Variants in C2orf92 observed in about 807,000 individuals in gnomAD.
C2orf92 encodes uncharacterized protein C2orf92.
upstream of C2orf92, among the ~76,000 whole-genome samples, chr2:97,665,548 A>T (rs1675177598): frequency 6.6e-6 from 1 of 151,408 alleles, no homozygotes; most frequent in Non-Finnish European, 1.5e-5. Context: ...TTTATATTAA[A>T]CTCTTCTTAT....
At chr2:97,687,873 C>T (rs181643406) in intron 3 of C2orf92, among the ~76,000 whole-genome samples, 2 of 150,386 alleles carry the variant, frequency 1.3e-5, no homozygotes, top group Non-Finnish European at 2.9e-5. Context: ...GCAGGTAGCA[C>T]TTGCAGTCCC....
intron 3 of C2orf92, among the ~76,000 whole-genome samples, chr2:97,680,578 T>C (rs1675735009): frequency 6.6e-6 from 1 of 152,210 alleles, no homozygotes; most frequent in Admixed American, 6.5e-5. Flanking sequence ...ACATGGTTTA[T>C]GAGAGACAAG....
At chr2:97,680,530 G>A (rs1675732640) in intron 3 of C2orf92, among the ~76,000 whole-genome samples, 1 of 152,192 alleles carries the variant, frequency 6.6e-6, no homozygotes, top group Non-Finnish European at 1.5e-5. Context: ...GAGAGCTGAG[G>A]TGGCTGTATT....
intron 5 of C2orf92, among the ~76,000 whole-genome samples, chr2:97,694,966 A>T (rs535649183): frequency 9.3e-4 from 141 of 152,294 alleles, no homozygotes; most frequent in Admixed American, 1.6e-3. Context: ...AAAAATATCT[A>T]TTCAAGTTCT....
chr2:97,670,906 A>G (rs1350218802), intron 1 of C2orf92: 6 of 152,100 alleles, frequency 3.9e-5, no homozygotes, highest in East Asian at 1.9e-4. Context: ...GGTTTTTAGT[A>G]TACTCATAGA....
upstream of C2orf92, chr2:97,667,016 T>G (rs1044273799): frequency 2.0e-5 from 3 of 152,196 alleles, no homozygotes; most frequent in African/African-American, 7.2e-5. Flanking sequence ...AACATATTAG[T>G]ATTGCCTGTT....
At chr2:97,698,792 A>T (rs948554248) in intron 5 of C2orf92, among the ~76,000 whole-genome samples, 4 of 152,306 alleles carry the variant, frequency 2.6e-5, no homozygotes, top group African/African-American at 9.6e-5. Context: ...GCTCGAGTGT[A>T]AGAAATGCTG....
chr2:97,688,874 C>T, intron 3 of C2orf92, 21 bp from the exon 4 acceptor site: 2 of 398,562 alleles, frequency 5.0e-6, no homozygotes. Context: ...TATTAACATG[C>T]CTTTGTTTGC....
intron 3 of C2orf92, among the ~76,000 whole-genome samples, chr2:97,676,433 CAAAAAAAAAAAAAAAGAAAAAAA>C (rs1161441485): frequency 6.4e-5 from 2 of 31,114 alleles, no homozygotes; most frequent in Non-Finnish European, 1.1e-4. Flanking sequence ...GACTCCATCT[CAAAAAAAAAAAAAAAGAAAAAAA>C]AAAAAAAAAA....
intron 3 of C2orf92, among the ~76,000 whole-genome samples, chr2:97,678,975 T>C (rs1001932846): frequency 6.7e-6 from 1 of 150,322 alleles, no homozygotes; most frequent in Non-Finnish European, 1.5e-5. Context: ...TGAGATCCTT[T>C]CTTGGAAAAA....
At chr2:97,671,783 C>G (rs1252109923) in intron 1 of C2orf92, 1 of 309,252 alleles carries the variant, frequency 3.2e-6, no homozygotes, top group Non-Finnish European at 5.9e-6. Flanking sequence ...CCTGCCTCGC[C>G]AGTTTCTGCT....
intron 1 of C2orf92, 94 bp downstream of exon 1, chr2:97,669,928 C>T (rs1675356054): frequency 1.0e-5 from 4 of 398,114 alleles, no homozygotes; most frequent in Non-Finnish European, 1.8e-5. Context: ...GTGGGGAACA[C>T]AGATGCTTTA....
chr2:97,671,648 G>A, intron 1 of C2orf92: 1 of 394,392 alleles, frequency 2.5e-6, no homozygotes, highest in Non-Finnish European at 4.5e-6. Flanking sequence ...ACGTGTCACA[G>A]TCTCAGGAAA....
upstream of C2orf92, among the ~76,000 whole-genome samples, chr2:97,665,613 C>T (rs967946135): frequency 6.6e-6 from 1 of 151,194 alleles, no homozygotes; most frequent in Non-Finnish European, 1.5e-5. Flanking sequence ...GGTGGGCTGA[C>T]AGCATAACAA....
At position 97,701,273 on chromosome 2, in the gene C2orf92, T is replaced by C. The variant is rs1472236868; in HGVS notation, c.634T>C (p.Leu212=). The change falls in exon 7 of 8, where the codon TTG becomes CTG. Residue 212 remains leucine (L), a synonymous_variant. Coordinates refer to ENST00000627399, the MANE Select transcript of C2orf92 (RefSeq NM_001351368.2). The stretch of plus-strand genomic sequence containing the variant: ...GGCCATCGTGCTGTTGCTGCTTGGG[T>C]TGGCCTCATACATCAGGAAGAAACA... The part of the protein sequence containing the change: ...LMAIVLLLLG[L]ASYIRKKQPS... 2.5e-6 allele frequency: 1 copy of C among 398,958 alleles called. No homozygotes were observed. Among genetic ancestry groups the C allele is most frequent in the African/African-American group, 2.1e-5 (1 of 48,638 alleles). The allele number at this position is 398,958 out of a possible 1,614,324, so 24.7% of individuals were successfully genotyped here.
chr2:97,666,429 C>G (rs939545056), upstream of C2orf92, among the ~76,000 whole-genome samples: 8 of 149,240 alleles, frequency 5.4e-5, no homozygotes, highest in Admixed American at 4.7e-4. Context: ...CCCAGCTACT[C>G]AGGAGGCTGG....
chr2:97,697,510 A>G (rs1458024046), intron 5 of C2orf92, among the ~76,000 whole-genome samples: 3 of 152,082 alleles, frequency 2.0e-5, no homozygotes, highest in Non-Finnish European at 4.4e-5. Flanking sequence ...TGTGGCTATT[A>G]ATCTGAGTCG....
At chr2:97,665,674 TA>T (rs1675184155), upstream of C2orf92, 1 of 148,450 alleles carries the variant, frequency 6.7e-6, no homozygotes, top group Non-Finnish European at 1.5e-5. Context: ...TTTTAATGCA[TA>T]AATACATCAA....
intron 3 of C2orf92, among the ~76,000 whole-genome samples, chr2:97,688,064 C>G (rs1333703365): frequency 6.6e-6 from 1 of 152,064 alleles, no homozygotes; most frequent in Non-Finnish European, 1.5e-5. Flanking sequence ...GTCCACTGAC[C>G]AGCCCAGCTC....
Sources: allele counts gnomAD v4.1 joint callset (sites outside exome capture counted in the v4.1 genomes callset), GRCh38; gene constraint gnomAD v4.1.1; transcripts MANE v1.5; gene names NCBI Gene and HGNC (gene_info 2026-07-23, HGNC 2026-07-21).